MS4A6E: variants seen among roughly 807,000 people sequenced by gnomAD.
The protein encoded by MS4A6E is membrane-spanning 4-domains subfamily A member 6E.
A neutral mutation model predicts 13.2 loss-of-function variants in MS4A6E; 8 were observed. That is an observed-to-expected ratio of 0.60 (90% CI 0.35 to 1.09). The LOEUF is 1.09. Ranked by LOEUF, MS4A6E falls within the 50% of genes least tolerant of loss-of-function variation. The pLI, the probability that MS4A6E is intolerant of heterozygous loss-of-function variation, is 0.02. For missense variants in MS4A6E, 177 were observed against 171.1 expected, an observed-to-expected ratio of 1.03 and a Z score of -0.19; for synonymous variants, 72 against 67.6, an observed-to-expected ratio of 1.06 and a Z score of -0.32.
chr11:60,339,802 T>G (rs951982771), intron 3 of MS4A6E, 64 bp from the exon 4 acceptor site: 3 of 1,435,962 alleles, frequency 2.1e-6, no homozygotes, highest in Non-Finnish European at 2.9e-6. Flanking sequence ...TGGTCACCTC[T>G]AAACTAGGCA....
rs1411957966 is a variant in MS4A6E at position 60,335,162 on chromosome 11, T to C, written c.147+120T>C. 4 of 1,389,372 alleles carry C rather than the reference T, an allele frequency of 2.9e-6. No individual in the cohort carries two copies. The African/African-American group carries it at 5.8e-5, about 20-fold the overall frequency. 86.1% of individuals were successfully genotyped at this position (1,389,372 alleles called of 1,614,324 possible). A position where few individuals can be genotyped will look rare whatever the true frequency, so the allele number is the denominator to read the frequency against. ...CCCTTAAGTTTTGCTGGAGGGACTT[T>C]GGGGTAGAAGCCACTTGGAGAAAAC... On this transcript the variant is annotated intron_variant, in intron 2 of 4. Transcript: ENST00000684409.
At chr11:60,338,177 T>TA (rs1375643397) in intron 3 of MS4A6E, among the ~76,000 whole-genome samples, 2 of 152,214 alleles carry the variant, frequency 1.3e-5, no homozygotes, top group East Asian at 1.9e-4. Flanking sequence ...AACTAAAACT[T>TA]ACGGTTTGTA....
intron 1 of MS4A6E, among the ~76,000 whole-genome samples, chr11:60,333,317 T>G (rs1420764668): frequency 6.6e-6 from 1 of 152,172 alleles, no homozygotes; most frequent in Non-Finnish European, 1.5e-5. Context: ...AAGGGAGAGA[T>G]AAGTGGAGGA....
intron 1 of MS4A6E, among the ~76,000 whole-genome samples, chr11:60,332,502 G>A (rs2085163259): frequency 6.6e-6 from 1 of 152,150 alleles, no homozygotes; most frequent in South Asian, 2.1e-4. Flanking sequence ...CTGCATCTCA[G>A]CTTTCATTTC....
At chr11:60,341,378 C>T (rs1321481034), downstream of MS4A6E, among the ~76,000 whole-genome samples, 2 of 152,062 alleles carry the variant, frequency 1.3e-5, no homozygotes, top group African/African-American at 4.8e-5. Flanking sequence ...CCTTTAAACA[C>T]AGAATAAATC....
At chr11:60,335,133 G>A (rs1329608111) in intron 2 of MS4A6E, 91 bp downstream of exon 2, 52 of 1,533,208 alleles carry the variant, frequency 3.4e-5, no homozygotes, top group Non-Finnish European at 4.0e-5. Flanking sequence ...TGTGAGTGTG[G>A]AGACCCTTAA....
intron 1 of MS4A6E, among the ~76,000 whole-genome samples, chr11:60,330,373 A>C (rs1369540408): frequency 1.1e-5 from 1 of 91,142 alleles, no homozygotes; most frequent in African/African-American, 4.4e-5. Context: ...GCGGAGTCTC[A>C]CTCTTTTGCC....
At position 60,339,571 on chromosome 11, in the gene MS4A6E, T is replaced by C. The variant is rs1413880791; in HGVS notation, c.355-295T>C. Among the ~76,000 whole-genome samples the C allele has an allele frequency of 3.3e-5, 5 of 152,224 alleles. No individual in the cohort carries two copies. In the East Asian group the frequency reaches 7.7e-4, roughly 23 times the overall value. ...CTATTACGCCACTCTGCTCTCTTACTGAGTGAACAATGTCATCAGAACTAC... is the reference window on the plus strand; with the variant it reads ...CTATTACGCCACTCTGCTCTCTTACCGAGTGAACAATGTCATCAGAACTAC... On this transcript the variant is annotated intron_variant, in intron 3 of 4. Coordinates refer to ENST00000684409, the MANE Select transcript of MS4A6E (RefSeq NM_139249.4).
intron 1 of MS4A6E, among the ~76,000 whole-genome samples, chr11:60,331,949 G>A (rs2085158766): frequency 6.6e-6 from 1 of 152,168 alleles, no homozygotes; most frequent in South Asian, 2.1e-4. Flanking sequence ...CACACTTGAG[G>A]ATATGCCAGC....
intron 2 of MS4A6E, 59 bp from the exon 3 acceptor site, chr11:60,337,679 AAAG>A: frequency 6.3e-7 from 1 of 1,596,878 alleles, no homozygotes; most frequent in Non-Finnish European, 8.6e-7. Flanking sequence ...GTAATGGCAA[AAAG>A]GGATAAGAGA....
rs562025041 is a variant in MS4A6E at position 60,333,348 on chromosome 11, G to C, written c.-14-1534G>C. Among the ~76,000 whole-genome samples the C allele has an allele frequency of 8.5e-5, 13 of 152,328 alleles. No individual in the cohort carries two copies. In the East Asian group the frequency reaches 2.5e-3, roughly 29 times the overall value. On this transcript the variant is annotated intron_variant, in intron 1 of 4. Coordinates refer to ENST00000684409, the MANE Select transcript of MS4A6E (RefSeq NM_139249.4). ...GAGGAGTTAGAGGAATATAGTAATG[G>C]AGGAAGGAAAAGGAGATTTTGCTTA...
chr11:60,339,600 C>A (rs557110635), intron 3 of MS4A6E, among the ~76,000 whole-genome samples: 1 of 152,176 alleles, frequency 6.6e-6, no homozygotes, highest in African/African-American at 2.4e-5. Flanking sequence ...GAACTACGTA[C>A]GTCTCAAAGA....
chr11:60,330,567 C>T (rs891515222), intron 1 of MS4A6E, among the ~76,000 whole-genome samples: 4 of 151,808 alleles, frequency 2.6e-5, no homozygotes, highest in Admixed American at 2.6e-4. Context: ...TGGTCTCGAT[C>T]TGACCTCGTG....
rs555945933 is a variant in MS4A6E, at chr11:60,347,560, T to C, written c.*162+6632T>C. Reference sequence around the variant, plus strand: ...AATTCAGGCCAAAGACAATCTGTTATGCATCTAGAAAGAGAACTGAGAAAA... The same window carrying C: ...AATTCAGGCCAAAGACAATCTGTTACGCATCTAGAAAGAGAACTGAGAAAA... On this transcript the variant is annotated intron_variant and NMD_transcript_variant, in intron 4 of 4. Transcript: ENST00000532756. Among the ~76,000 whole-genome samples, 9 of 149,846 alleles carry C rather than the reference T, an allele frequency of 6.0e-5. No homozygotes were observed. In the South Asian group the frequency reaches 1.9e-3, roughly 32 times the overall value.
chr11:60,346,288 C>T (rs2085256043), downstream of MS4A6E, among the ~76,000 whole-genome samples: 1 of 152,202 alleles, frequency 6.6e-6, no homozygotes, highest in South Asian at 2.1e-4. Flanking sequence ...CTTTGCAAGC[C>T]TGCAAAACAG....
intron 2 of MS4A6E, among the ~76,000 whole-genome samples, chr11:60,337,192 G>C (rs2085193128): frequency 1.3e-5 from 2 of 152,176 alleles, no homozygotes; most frequent in African/African-American, 2.4e-5. Context: ...ATCTTTGAGA[G>C]GTGTGCTTTT....
chr11:60,343,276 G>A (rs979670506), downstream of MS4A6E, among the ~76,000 whole-genome samples: 9 of 152,314 alleles, frequency 5.9e-5, no homozygotes, highest in South Asian at 4.2e-4. Context: ...TTAATGGCTT[G>A]TAATACTAGT....
At chr11:60,348,369 C>T (rs1367073301) in intron 4 of MS4A6E, among the ~76,000 whole-genome samples, 3 of 152,152 alleles carry the variant, frequency 2.0e-5, no homozygotes, top group Non-Finnish European at 2.9e-5. Flanking sequence ...AAGAGTACAG[C>T]TCATTTCAGG....
At chr11:60,328,372 G>A (rs1051210968) in intron 1 of MS4A6E, among the ~76,000 whole-genome samples, 3 of 152,162 alleles carry the variant, frequency 2.0e-5, no homozygotes, top group African/African-American at 7.2e-5. Flanking sequence ...GTTTAAATAA[G>A]AAATATATAT....
Sources: gnomAD v4.1 joint callset for allele counts (sites outside exome capture counted in the v4.1 genomes callset) on GRCh38, gnomAD v4.1.1 for gene constraint, MANE v1.5 for transcripts, NCBI Gene and HGNC (gene_info 2026-07-23, HGNC 2026-07-21) for gene names.